SH3BGRL2: variants seen among roughly 807,000 people sequenced by gnomAD.
SH3BGRL2 encodes the protein SH3 domain binding glutamate rich protein like 2.
Under a neutral mutation model 14.8 loss-of-function variants are expected in SH3BGRL2, and 21 were observed. The observed-to-expected ratio is 1.42, with a 90% confidence interval of 1.01 to 2.05. The LOEUF (loss-of-function observed/expected upper bound fraction) is 2.05. Ranked by LOEUF, SH3BGRL2 falls within the 30% of genes most tolerant of loss-of-function variation. The pLI is 0.00. For synonymous variants in SH3BGRL2, 50 were observed against 47.8 expected (o/e 1.05, Z -0.19); for missense variants, 147 against 130.8 (o/e 1.12, Z -0.61).
chr6:79,647,374 C>G (rs1769165450), intron 1 of SH3BGRL2, among the ~76,000 whole-genome samples: 3 of 151,426 alleles, frequency 2.0e-5, no homozygotes. Flanking sequence ...GATTTTTCTT[C>G]TATTCCTTGC....
chr6:79,642,265 A>G (rs977465207), intron 1 of SH3BGRL2, among the ~76,000 whole-genome samples: 1 of 152,200 alleles, frequency 6.6e-6, no homozygotes, highest in African/African-American at 2.4e-5. Context: ...CATAGCATTT[A>G]CGTTGTATTA....
At chr6:79,646,939 G>C (rs1434540666) in intron 1 of SH3BGRL2, among the ~76,000 whole-genome samples, 2 of 152,176 alleles carry the variant, frequency 1.3e-5, no homozygotes, top group African/African-American at 4.8e-5. Flanking sequence ...CCATTTATCA[G>C]TTGATGGATA....
chr6:79,590,424 G>GAGATATATAT, the SH3BGRL2 span, among the ~76,000 whole-genome samples: 23 of 66,682 alleles, frequency 3.4e-4, no homozygotes, highest in African/African-American at 1.5e-3. Flanking sequence ...AAGAAAATGT[G>GAGATATATAT]ATATATATAT....
At chr6:79,639,554 C>T (rs1768991183) in intron 1 of SH3BGRL2, among the ~76,000 whole-genome samples, 1 of 152,180 alleles carries the variant, frequency 6.6e-6, no homozygotes, top group Non-Finnish European at 1.5e-5. Flanking sequence ...TGCACTACTG[C>T]ACTCCAGCCT....
chr6:79,646,118 C>T (rs553047184), intron 1 of SH3BGRL2, among the ~76,000 whole-genome samples: 1 of 152,312 alleles, frequency 6.6e-6, no homozygotes, highest in South Asian at 2.1e-4. Context: ...TAGTAGCACC[C>T]TTCCTCCTGG....
intron 1 of SH3BGRL2, among the ~76,000 whole-genome samples, chr6:79,670,702 T>A (rs1414874752): frequency 1.3e-5 from 2 of 152,156 alleles, no homozygotes; most frequent in Non-Finnish European, 2.9e-5. Context: ...GTAGAATAGG[T>A]TGTGCATGAA....
chr6:79,572,188 T>C, the SH3BGRL2 span, among the ~76,000 whole-genome samples: 10 of 152,240 alleles, frequency 6.6e-5, no homozygotes, highest in Non-Finnish European at 1.5e-4. Flanking sequence ...TTCTGCTGTA[T>C]GATTACACTA....
intron 2 of SH3BGRL2, among the ~76,000 whole-genome samples, chr6:79,676,082 G>A (rs771033973): frequency 4.6e-5 from 7 of 152,158 alleles, no homozygotes; most frequent in Non-Finnish European, 1.0e-4. Context: ...TTCTCAGATG[G>A]TGGTTTAATT....
the SH3BGRL2 span, among the ~76,000 whole-genome samples, chr6:79,560,524 A>G: frequency 6.6e-6 from 1 of 152,140 alleles, no homozygotes; most frequent in South Asian, 2.1e-4. Context: ...TGCACTACAG[A>G]CTGGGCAATA....
At chr6:79,584,840 T>G in the SH3BGRL2 span, among the ~76,000 whole-genome samples, 4 of 152,188 alleles carry the variant, frequency 2.6e-5, no homozygotes, top group Non-Finnish European at 4.4e-5. Context: ...GCAGAATCTG[T>G]CAATGTTTTA....
chr6:79,680,127 C>T (rs997808050), intron 2 of SH3BGRL2, among the ~76,000 whole-genome samples: 1 of 152,152 alleles, frequency 6.6e-6, no homozygotes, highest in Non-Finnish European at 1.5e-5. Context: ...TACTTGTACT[C>T]TTGGTATCAT....
At chr6:79,642,222 A>T (rs1769047104) in intron 1 of SH3BGRL2, among the ~76,000 whole-genome samples, 1 of 152,214 alleles carries the variant, frequency 6.6e-6, no homozygotes. Context: ...TCTAGTCTTC[A>T]TTCCCTAAAT....
chr6:79,564,655 C>G, the SH3BGRL2 span, among the ~76,000 whole-genome samples: 24 of 152,056 alleles, frequency 1.6e-4, no homozygotes, highest in Middle Eastern at 6.8e-3. Context: ...AAAATATATA[C>G]TATATTTTCA....
chr6:79,596,482 A>G, the SH3BGRL2 span, among the ~76,000 whole-genome samples: 1 of 152,060 alleles, frequency 6.6e-6, no homozygotes, highest in African/African-American at 2.4e-5. Context: ...TTTTGTAGAG[A>G]TAGGTTCTCA....
chr6:79,543,928 A>C, the SH3BGRL2 span, among the ~76,000 whole-genome samples: 2 of 152,200 alleles, frequency 1.3e-5, no homozygotes, highest in African/African-American at 2.4e-5. Context: ...AAAACAAGAT[A>C]TGGTAGTTAA....
the SH3BGRL2 span, among the ~76,000 whole-genome samples, chr6:79,576,874 T>G: frequency 6.6e-6 from 1 of 152,192 alleles, no homozygotes. Context: ...TAAATGAACT[T>G]TACGTACCCT....
chr6:79,568,796 C>A, the SH3BGRL2 span, among the ~76,000 whole-genome samples: 1 of 152,004 alleles, frequency 6.6e-6, no homozygotes, highest in Admixed American at 6.6e-5. Flanking sequence ...CATTCTTAAG[C>A]TCAGTGGTAG....
chr6:79,694,017 C>T (rs1284286312), intron 2 of SH3BGRL2, among the ~76,000 whole-genome samples: 1 of 152,106 alleles, frequency 6.6e-6, no homozygotes, highest in Non-Finnish European at 1.5e-5. Flanking sequence ...TTTTCTGAGA[C>T]GTCTAGTTTG....
intron 1 of SH3BGRL2, among the ~76,000 whole-genome samples, chr6:79,669,615 T>G (rs1276960542): frequency 1.3e-5 from 2 of 152,096 alleles, no homozygotes; most frequent in Non-Finnish European, 2.9e-5. Flanking sequence ...TGGCTAATTT[T>G]TGTATTTTTA....
Sources: allele counts gnomAD v4.1 joint callset (sites outside exome capture counted in the v4.1 genomes callset), GRCh38; gene constraint gnomAD v4.1.1; transcripts MANE v1.5; gene names NCBI Gene and HGNC (gene_info 2026-07-23, HGNC 2026-07-21).